FKBP15: variants seen among roughly 807,000 people sequenced by gnomAD.
FKBP15 encodes FK506-binding protein 15.
FKBP15 carries 106 observed loss-of-function variants against 158.1 expected under a neutral mutation model. The ratio of observed to expected loss-of-function variants is 0.67; its 90% CI spans 0.57 to 0.79. The LOEUF is 0.79. FKBP15 is among the 30% of genes least tolerant of loss of function. The pLI is 0.00. For missense variants in FKBP15, 1,287 were observed against 1,479.1 expected (o/e 0.87, Z 2.13); for synonymous variants, 547 against 548.6 (o/e 1.00, Z 0.04).
chr9:113,218,270 A>G (rs1285631330), intron 1 of FKBP15, among the ~76,000 whole-genome samples: 1 of 151,684 alleles, frequency 6.6e-6, no homozygotes, highest in East Asian at 1.9e-4. Context: ...TCCAGGCTCT[A>G]TTACTTTCTA....
intron 8 of FKBP15, among the ~76,000 whole-genome samples, 162 bp from the exon 9 acceptor site, chr9:113,197,240 G>A (rs16927031): frequency 0.19 from 29,435 of 152,106 alleles, 3,116 homozygotes; most frequent in African/African-American, 0.24. Flanking sequence ...AGAATATCTA[G>A]AATACACCCT....
rs555779649 is a variant in FKBP15, at chr9:113,201,260, C to T, written c.498+1271G>A. Among the ~76,000 whole-genome samples the T allele has an allele frequency of 2.2e-3, 340 of 151,998 alleles. 1 individual carries two copies. Among genetic ancestry groups the T allele is most frequent in the Non-Finnish European group, 3.4e-3 (232 of 67,982 alleles). ...TATTAAGAACCTAAAAATATCTGGACCTTTTGACCCAATCACTCACTTACT... is the reference window on the plus strand; with the variant it reads ...TATTAAGAACCTAAAAATATCTGGATCTTTTGACCCAATCACTCACTTACT... On this transcript the variant is annotated intron_variant, in intron 6 of 27. Transcript: ENST00000238256.
At chr9:113,201,100 ATT>A (rs11421526) in intron 6 of FKBP15, among the ~76,000 whole-genome samples, 8 of 142,508 alleles carry the variant, frequency 5.6e-5, no homozygotes, top group Admixed American at 1.4e-4. Context: ...ATGAGGCATC[ATT>A]TTTTTTTTTT....
chr9:113,207,003 A>G (rs1830900947), intron 3 of FKBP15: 1 of 528,144 alleles, frequency 1.9e-6, no homozygotes, highest in East Asian at 3.0e-5. Context: ...TGAGGGTACA[A>G]GCACTCCCTA....
intron 14 of FKBP15, 122 bp downstream of exon 14, chr9:113,187,671 A>G: frequency 1.3e-6 from 1 of 795,038 alleles, no homozygotes; most frequent in Admixed American, 2.6e-5. Context: ...AGGAAGGGAA[A>G]AAAATTACAA....
At chr9:113,196,025 C>G (rs1564173771) in intron 9 of FKBP15, among the ~76,000 whole-genome samples, 1 of 136,410 alleles carries the variant, frequency 7.3e-6, no homozygotes, top group Non-Finnish European at 1.6e-5. Context: ...CACAGACACA[C>G]ACACATGCAC....
intron 1 of FKBP15, among the ~76,000 whole-genome samples, chr9:113,214,581 C>A (rs4571803): frequency 0.13 from 20,160 of 152,124 alleles, 1,471 homozygotes; most frequent in African/African-American, 0.19. Context: ...TAGCATAATG[C>A]CTAAGGGCCC....
intron 1 of FKBP15, among the ~76,000 whole-genome samples, chr9:113,213,676 G>A (rs760506270): frequency 6.6e-6 from 1 of 152,026 alleles, no homozygotes; most frequent in Non-Finnish European, 1.5e-5. Context: ...GAGCTAGTAT[G>A]CTTGCCATGT....
At position 113,198,948 on chromosome 9, in the gene FKBP15, G is replaced by A; in HGVS notation, c.649-25C>T. On this transcript the variant is annotated intron_variant, in intron 7 of 27. Transcript: ENST00000238256. This position sits in a 1 kb window ranked among gnomAD's most constrained non-coding sequence, Gnocchi z 5.2. ...CCTGCAATTTGATCGAAGGAAATTAGGCCAGCCAATTTCAAAAATAATAAT... is the reference window on the plus strand; with the variant it reads ...CCTGCAATTTGATCGAAGGAAATTAAGCCAGCCAATTTCAAAAATAATAAT... 6.5e-7 allele frequency: 1 copy of A among 1,543,782 alleles called. No individual in the cohort carries two copies.
At chr9:113,182,727 C>T in intron 19 of FKBP15, 39 bp downstream of exon 19, 1 of 1,531,798 alleles carries the variant, frequency 6.5e-7, no homozygotes, top group Non-Finnish European at 9.0e-7. Flanking sequence ...TTAGCTCTAC[C>T]CATCCTGACC....
chr9:113,176,387 G>A, intron 21 of FKBP15, 150 bp downstream of exon 21: 1 of 815,462 alleles, frequency 1.2e-6, no homozygotes, highest in Non-Finnish European at 1.9e-6. Context: ...CAATGTATGA[G>A]ATTAGAGCGG....
intron 8 of FKBP15, among the ~76,000 whole-genome samples, chr9:113,197,997 T>C (rs1830719972): frequency 6.6e-6 from 1 of 152,228 alleles, no homozygotes. Flanking sequence ...GAGTACAGCA[T>C]GATGCACCAT....
At position 113,187,912 on chromosome 9, in the gene FKBP15, G is replaced by T. The variant is rs781136833; in HGVS notation, c.1277-13C>A. 1 of 1,601,272 alleles carries T rather than the reference G, an allele frequency of 6.2e-7. No homozygotes were observed. Among genetic ancestry groups the T allele is most frequent in the South Asian group, 1.1e-5 (1 of 90,498 alleles). On this transcript the variant is annotated splice_polypyrimidine_tract_variant and intron_variant, in intron 13 of 27. Coordinates refer to ENST00000238256, the MANE Select transcript of FKBP15 (RefSeq NM_015258.2). Reference sequence around the variant, plus strand: ...GATGGCTGAGGTGCTAAGATAAAGGGAGACATTTTCACTGTTATCCACCCT... The same window carrying T: ...GATGGCTGAGGTGCTAAGATAAAGGTAGACATTTTCACTGTTATCCACCCT...
chr9:113,199,546 G>C (rs534659336), intron 7 of FKBP15, among the ~76,000 whole-genome samples: 4 of 152,166 alleles, frequency 2.6e-5, no homozygotes, highest in African/African-American at 4.8e-5. Flanking sequence ...AGGAGGACAA[G>C]ACATACACAT....
At position 113,173,567 on chromosome 9, in the gene FKBP15, T is replaced by G; in HGVS notation, c.2418A>C (p.Glu806Asp). 1 of 1,614,016 alleles carries G rather than the reference T, an allele frequency of 6.2e-7. No individual in the cohort carries two copies. Among genetic ancestry groups the G allele is most frequent in the Non-Finnish European group, 8.5e-7 (1 of 1,179,896 alleles). Residue 806 changes from glutamate to aspartate, a missense_variant, in exon 23 of 28, where the codon GAA (glutamate) becomes GAC (aspartate). Coordinates refer to ENST00000238256, the MANE Select transcript of FKBP15 (RefSeq NM_015258.2). ...LVQAELQTQW[E>D]AKCEHLLASA... ...AGGCCAACAAATGTTCACATTTTGC[T>G]TCCCACTGGGTCTGTAGCTCAGCCT...
At chr9:113,181,697 G>A (rs748580798) in intron 19 of FKBP15, among the ~76,000 whole-genome samples, 1 of 152,044 alleles carries the variant, frequency 6.6e-6, no homozygotes, top group Non-Finnish European at 1.5e-5. Flanking sequence ...TAACTGTGAG[G>A]CCAAATAATA....
rs564665405 is a variant in FKBP15 at position 113,168,576 on chromosome 9, T to C, written c.3486-20A>G. The stretch of plus-strand genomic sequence containing the variant: ...GAGAGACTGAAGGAAAATCAAGTCA[T>C]AGAAAATGTTATTGTTCCTGCTCCA... On this transcript the variant is annotated intron_variant, in intron 26 of 27. Coordinates refer to ENST00000238256, the MANE Select transcript of FKBP15 (RefSeq NM_015258.2). 4.4e-6 allele frequency: 7 copies of C among 1,606,532 alleles called. No individual in the cohort carries two copies. Among genetic ancestry groups the C allele is most frequent in the African/African-American group, 2.7e-5 (2 of 74,916 alleles).
chr9:113,161,551 T>C lies in FKBP15; in HGVS notation c.*4527A>G. On this transcript the variant is annotated 3_prime_UTR_variant, in exon 28 of 28. Transcript: ENST00000238256. ...TTGGTGCTCCTGCTTCTGGCTGTAC[T>C]GTATGAAGGCATCAAGGTTGGCAAA... is the stretch of plus-strand genomic sequence containing the variant. 6.2e-7 allele frequency: 1 copy of C among 1,614,026 alleles called. No homozygotes were observed. The highest frequency in any genetic ancestry group is 8.5e-7 in the Non-Finnish European group (1 of 1,179,878).
chr9:113,207,841 C>T (rs1247152695), intron 2 of FKBP15, among the ~76,000 whole-genome samples: 1 of 152,168 alleles, frequency 6.6e-6, no homozygotes, highest in East Asian at 1.9e-4. Context: ...AAACCCATGA[C>T]TCCAACTCCC....
Sources: gnomAD v4.1 joint callset for allele counts (sites outside exome capture counted in the v4.1 genomes callset) on GRCh38, gnomAD v4.1.1 for gene constraint, Gnocchi (gnomAD v3.1) non-coding constraint, MANE v1.5 for transcripts, NCBI Gene and HGNC (gene_info 2026-07-23, HGNC 2026-07-21) for gene names.